The following GCC2 variants were observed in gnomAD, a reference collection of about 807,000 sequenced individuals.
GCC2 encodes GRIP and coiled-coil domain containing 2, also known as GRIP and coiled-coil domain-containing protein 2.
Under a neutral mutation model 210.6 loss-of-function variants are expected in GCC2, and 120 were observed. The ratio of observed to expected loss-of-function variants is 0.57; its 90% CI spans 0.49 to 0.66. The LOEUF (loss-of-function observed/expected upper bound fraction) is 0.66, where lower values mean the gene tolerates loss of function less well. Among genes scored for constraint, GCC2 ranks in the 30% least tolerant of loss-of-function variants. The probability of loss-of-function intolerance (pLI) is 0.00; values close to 1 mark genes in which losing one functional copy is unlikely to be tolerated. For synonymous variants in GCC2, 703 were observed against 652.7 expected, an observed-to-expected ratio of 1.08 and a Z score of -1.17; for missense variants, 1,868 against 1,871.9, an observed-to-expected ratio of 1.00 and a Z score of 0.04.
chr2:108,451,240 G>A, intron 3 of GCC2, 128 bp downstream of exon 3: 1 of 544,180 alleles, frequency 1.8e-6, no homozygotes, highest in Non-Finnish European at 3.2e-6. Context: ...CCTTAGTGTA[G>A]TAGAATCTGT....
Position 108,492,753 on chromosome 2 carries a change from ACAGCTCTTC to A in GCC2, c.4416_4424del (p.Phe1473_Leu1475del). 1 of 1,613,636 alleles carries A rather than the reference ACAGCTCTTC, an allele frequency of 6.2e-7. No homozygotes were observed. The highest frequency in any genetic ancestry group is 8.5e-7 in the Non-Finnish European group (1 of 1,179,480). On this transcript the variant is annotated inframe_deletion, in exon 19 of 23. Transcript: ENST00000309863. Reference sequence around the variant, plus strand: ...AGCAGCAGCTCTCCAAGATGGAAGCACAGCTCTTCCAGCTTAAGAATGAACCGACCACAA... The same window carrying A: ...AGCAGCAGCTCTCCAAGATGGAAGCACAGCTTAAGAATGAACCGACCACAA...
chr2:108,489,096 A>C (rs1682281563), intron 17 of GCC2, among the ~76,000 whole-genome samples: 1 of 152,232 alleles, frequency 6.6e-6, no homozygotes, highest in Admixed American at 6.5e-5. Flanking sequence ...TCATTGTGGC[A>C]GAATCAGGAT....
chr2:108,449,327 C>A lies in GCC2; in HGVS notation c.6+47C>A, dbSNP rs1216768944. On this transcript the variant is annotated intron_variant, in intron 1 of 22. Transcript: ENST00000309863. Reference sequence around the variant, plus strand: ...GCCTCCCATCAAGCCTTCCGCGCCGCGATTTGGGATGTGGGAGTGGGCCCG... The same window carrying A: ...GCCTCCCATCAAGCCTTCCGCGCCGAGATTTGGGATGTGGGAGTGGGCCCG... 5 of 1,540,110 alleles carry A rather than the reference C, an allele frequency of 3.2e-6. No individual in the cohort carries two copies. The Admixed American group carries it at 9.9e-5, about 31-fold the overall frequency.
intron 4 of GCC2, among the ~76,000 whole-genome samples, chr2:108,460,274 G>A (rs905624153): frequency 6.6e-6 from 1 of 152,132 alleles, no homozygotes; most frequent in Non-Finnish European, 1.5e-5. Context: ...TGCATTTTTT[G>A]TGGGCAGCAC....
At chr2:108,454,760 G>A (rs1447313407) in intron 4 of GCC2, among the ~76,000 whole-genome samples, 1 of 152,130 alleles carries the variant, frequency 6.6e-6, no homozygotes, top group Non-Finnish European at 1.5e-5. Context: ...TAGGATTGAG[G>A]TACAAACAGG....
At chr2:108,464,297 T>G (rs758558114) in intron 4 of GCC2, among the ~76,000 whole-genome samples, 1 of 152,134 alleles carries the variant, frequency 6.6e-6, no homozygotes, top group Non-Finnish European at 1.5e-5. Flanking sequence ...ATGAGAATGC[T>G]CAGCCACCCC....
intron 4 of GCC2, among the ~76,000 whole-genome samples, chr2:108,463,440 A>T (rs1205901708): frequency 6.6e-6 from 1 of 152,154 alleles, no homozygotes; most frequent in East Asian, 1.9e-4. Context: ...GCAATAGCAT[A>T]GGATCGGTAT....
chr2:108,493,906 A>G, intron 19 of GCC2: 1 of 985,446 alleles, frequency 1.0e-6, no homozygotes, highest in Non-Finnish European at 1.2e-6. Context: ...AAGGGCAGTC[A>G]GGACTAAGGC....
chr2:108,471,860 G>A lies in GCC2; in HGVS notation c.2531G>A (p.Arg844Lys), dbSNP rs1361987402. 1.2e-6 allele frequency: 2 copies of A among 1,612,738 alleles called. No individual in the cohort carries two copies. Among genetic ancestry groups the A allele is most frequent in the East Asian group, 2.2e-5 (1 of 44,844 alleles). ...TATGAGCAAGAGAAAGTTCTCTTAAGGAAAGAGTTAGAAGAAATACAGTCA... is the reference window on the plus strand; with the variant it reads ...TATGAGCAAGAGAAAGTTCTCTTAAAGAAAGAGTTAGAAGAAATACAGTCA... ...RDYEQEKVLL[R>K]KELEEIQSEK... Residue 844 changes from arginine (R) to lysine (K), a missense_variant, in exon 6 of 23, where the codon AGG (arginine) becomes AAG (lysine). By Grantham distance (26) the Arg-to-Lys change is conservative. Coordinates refer to ENST00000309863, the MANE Select transcript of GCC2 (RefSeq NM_181453.4).
intron 4 of GCC2, among the ~76,000 whole-genome samples, chr2:108,452,698 T>C (rs947802762): frequency 1.2e-3 from 169 of 142,338 alleles, no homozygotes; most frequent in Non-Finnish European, 1.9e-3. Context: ...TTTCTTTTTT[T>C]TTTTTTTTTT....
chr2:108,461,825 TTTTTC>T (rs1680593338), intron 4 of GCC2, among the ~76,000 whole-genome samples: 2 of 137,612 alleles, frequency 1.5e-5, no homozygotes, highest in African/African-American at 3.0e-5. Flanking sequence ...TTTCTTTTTT[TTTTTC>T]TTTTTCTTTT....
At chr2:108,465,678 C>A (rs771192710) in intron 4 of GCC2, among the ~76,000 whole-genome samples, 6 of 152,108 alleles carry the variant, frequency 3.9e-5, no homozygotes, top group Non-Finnish European at 5.9e-5. Flanking sequence ...TATTTCATTC[C>A]TTTTTATGGC....
chr2:108,463,129 G>A (rs1680696374), intron 4 of GCC2, among the ~76,000 whole-genome samples: 1 of 151,278 alleles, frequency 6.6e-6, no homozygotes, highest in African/African-American at 2.4e-5. Context: ...TTGTTTTTTG[G>A]AAACTTTTTG....
At chr2:108,479,630 GA>G (rs1278914511) in intron 9 of GCC2, among the ~76,000 whole-genome samples, 1 of 151,734 alleles carries the variant, frequency 6.6e-6, no homozygotes, top group African/African-American at 2.4e-5. Context: ...GACAGAGCAA[GA>G]CCCTGTCTCA....
chr2:108,506,886 C>G lies in GCC2; in HGVS notation c.4985-674C>G, dbSNP rs542256219. On this transcript the variant is annotated intron_variant, in intron 22 of 22. Transcript: ENST00000309863. Reference sequence around the variant, plus strand: ...GTATTTCAGAATAGAAGAAGAATTTCTTATGTGCTGGTAGGATTGTTTGTA... The same window carrying G: ...GTATTTCAGAATAGAAGAAGAATTTGTTATGTGCTGGTAGGATTGTTTGTA... Among the ~76,000 whole-genome samples, 16 of 152,078 alleles carry G rather than the reference C, an allele frequency of 1.1e-4. No homozygotes were observed. In the East Asian group the frequency reaches 2.9e-3, roughly 28 times the overall value.
chr2:108,469,414 G>A (rs1271735863), intron 5 of GCC2: 3 of 441,572 alleles, frequency 6.8e-6, no homozygotes, highest in Non-Finnish European at 1.2e-5. Context: ...CCTATTTCTT[G>A]CCTATTAGGT....
chr2:108,481,712 T>G lies in GCC2; in HGVS notation c.3076T>G (p.Tyr1026Asp). 1.3e-6 allele frequency: 2 copies of G among 1,592,772 alleles called. No individual in the cohort carries two copies. Among genetic ancestry groups the G allele is most frequent in the African/African-American group, 1.4e-5 (1 of 73,804 alleles). The change falls in exon 10 of 23, where the codon TAT (tyrosine) becomes GAT (aspartate). Residue 1026 changes from tyrosine to aspartate, a missense_variant. Transcript: ENST00000309863. The stretch of plus-strand genomic sequence containing the variant: ...TTTATTGAAGAATCTTTTATTAGAA[T>G]ATGAAAAGCAGTCAGAGCAACTGGA... ...AESYKNLLLEYEKQSEQLDVE... is the reference protein window; with the variant it reads ...AESYKNLLLEDEKQSEQLDVE...
intron 7 of GCC2, 124 bp downstream of exon 7, chr2:108,473,023 T>TCCTCGAGCTCACATTCTTGC: frequency 3.6e-6 from 2 of 559,710 alleles, no homozygotes. Flanking sequence ...AGCTGTCTTT[T>TCCTCGAGCTCACATTCTTGC]CCTCGAGCTC....
intron 16 of GCC2, among the ~76,000 whole-genome samples, chr2:108,486,881 C>T (rs1021731620): frequency 6.6e-6 from 1 of 152,148 alleles, no homozygotes; most frequent in African/African-American, 2.4e-5. Flanking sequence ...CCATTTCAAC[C>T]TTGTTTTGCA....
Sources: allele counts gnomAD v4.1 joint callset (sites outside exome capture counted in the v4.1 genomes callset), GRCh38; gene constraint gnomAD v4.1.1; transcripts MANE v1.5; gene names NCBI Gene and HGNC (gene_info 2026-07-23, HGNC 2026-07-21).